ELMO1: variants seen among roughly 807,000 people sequenced by gnomAD.
The protein encoded by ELMO1 is engulfment and cell motility 1, also known as engulfment and cell motility protein 1.
ELMO1 carries 26 observed loss-of-function variants against 98.9 expected under a neutral mutation model. That is an observed-to-expected ratio of 0.26 (90% confidence interval 0.19 to 0.36). The LOEUF is 0.36. Ranked by LOEUF, ELMO1 falls within the 10% of genes least tolerant of loss-of-function variation. The pLI, the probability that ELMO1 is intolerant of heterozygous loss-of-function variation, is 1.00. For synonymous variants in ELMO1, 346 were observed against 346.0 expected, an observed-to-expected ratio of 1.00 and a Z score of 0.00; for missense variants, 627 against 935.2, an observed-to-expected ratio of 0.67 and a Z score of 4.30.
intron 16 of ELMO1, among the ~76,000 whole-genome samples, chr7:37,012,446 T>A (rs991560905): frequency 1.3e-5 from 2 of 152,222 alleles, no homozygotes; most frequent in Non-Finnish European, 2.9e-5. Context: ...CAGCCCTTAG[T>A]GCTGGGTGAG....
intron 13 of ELMO1, among the ~76,000 whole-genome samples, chr7:37,163,965 G>C (rs1336512658): frequency 6.6e-6 from 1 of 152,228 alleles, no homozygotes; most frequent in African/African-American, 2.4e-5. Flanking sequence ...CAGTGTAATA[G>C]TGTTCCTATT....
At chr7:37,432,149 G>A (rs1183930121) in intron 1 of ELMO1, among the ~76,000 whole-genome samples, 2 of 152,298 alleles carry the variant, frequency 1.3e-5, no homozygotes, top group African/African-American at 2.4e-5. Flanking sequence ...CCAAAGTGTC[G>A]GGATTACAGG....
intron 1 of ELMO1, among the ~76,000 whole-genome samples, chr7:37,363,472 C>T (rs1005116234): frequency 1.3e-5 from 2 of 152,118 alleles, no homozygotes; most frequent in African/African-American, 4.8e-5. Context: ...ACTGTCCAGA[C>T]CTCATCCCGC....
At chr7:37,140,359 C>A (rs1260590014) in intron 13 of ELMO1, among the ~76,000 whole-genome samples, 1 of 151,748 alleles carries the variant, frequency 6.6e-6, no homozygotes, top group Non-Finnish European at 1.5e-5. Context: ...GCACTCCAGC[C>A]TGGGCGACAG....
At chr7:36,993,745 A>T (rs923237986) in intron 16 of ELMO1, among the ~76,000 whole-genome samples, 6 of 152,258 alleles carry the variant, frequency 3.9e-5, no homozygotes, top group Admixed American at 3.9e-4. Flanking sequence ...ATTGGCCCTG[A>T]AGGGCAATAA....
intron 1 of ELMO1, among the ~76,000 whole-genome samples, chr7:37,364,474 C>G (rs1801820267): frequency 6.6e-6 from 1 of 152,200 alleles, no homozygotes; most frequent in South Asian, 2.1e-4. Flanking sequence ...CCTAAATGTT[C>G]ATCCAATGGG....
intron 8 of ELMO1, among the ~76,000 whole-genome samples, chr7:37,231,780 C>T (rs1308896318): frequency 6.6e-6 from 1 of 152,102 alleles, no homozygotes; most frequent in African/African-American, 2.4e-5. Context: ...ATTTTGATAA[C>T]CGTACTGTCA....
chr7:36,878,901 A>T (rs1804190928), intron 18 of ELMO1, among the ~76,000 whole-genome samples: 1 of 152,222 alleles, frequency 6.6e-6, no homozygotes, highest in Admixed American at 6.5e-5. Flanking sequence ...TTTATAGGTT[A>T]GGGACTTGAA....
intron 4 of ELMO1, among the ~76,000 whole-genome samples, chr7:37,302,316 G>A (rs943064267): frequency 6.6e-6 from 1 of 152,142 alleles, no homozygotes; most frequent in African/African-American, 2.4e-5. Flanking sequence ...CCTCTAATCA[G>A]GGCAGGCTTG....
intron 15 of ELMO1, among the ~76,000 whole-genome samples, chr7:37,051,963 G>A (rs991461290): frequency 6.6e-6 from 1 of 152,126 alleles, no homozygotes; most frequent in African/African-American, 2.4e-5. Flanking sequence ...CCCTCTGTAG[G>A]GCAGAGGTCA....
chr7:36,878,958 T>G (rs1298756545), intron 18 of ELMO1, among the ~76,000 whole-genome samples: 2 of 152,224 alleles, frequency 1.3e-5, no homozygotes, highest in Non-Finnish European at 2.9e-5. Context: ...GAAGCCCTCT[T>G]TATCCCTGCA....
chr7:36,943,296 T>C (rs1787204526), intron 16 of ELMO1, among the ~76,000 whole-genome samples: 1 of 152,234 alleles, frequency 6.6e-6, no homozygotes, highest in East Asian at 1.9e-4. Context: ...TTTTCTTTTA[T>C]GCGTAAAAAA....
At chr7:37,058,334 G>A (rs1386820524) in intron 15 of ELMO1, among the ~76,000 whole-genome samples, 1 of 152,180 alleles carries the variant, frequency 6.6e-6, no homozygotes, top group Non-Finnish European at 1.5e-5. Flanking sequence ...TCGTAGGAGA[G>A]ATTTTTTAGC....
intron 10 of ELMO1, among the ~76,000 whole-genome samples, chr7:37,219,073 T>C (rs1374584203): frequency 6.6e-6 from 1 of 152,168 alleles, no homozygotes; most frequent in East Asian, 1.9e-4. Flanking sequence ...CCGACAAAAC[T>C]AGCCCAGCCC....
At chr7:36,979,733 C>T (rs1022012910) in intron 16 of ELMO1, among the ~76,000 whole-genome samples, 1 of 152,292 alleles carries the variant, frequency 6.6e-6, no homozygotes, top group South Asian at 2.1e-4. Context: ...GAAATGCGGA[C>T]TTCAAATTGC....
At chr7:37,001,528 G>A (rs912296509) in intron 16 of ELMO1, among the ~76,000 whole-genome samples, 1 of 152,138 alleles carries the variant, frequency 6.6e-6, no homozygotes, top group African/African-American at 2.4e-5. Context: ...ATAAACAACT[G>A]CTATAGAACT....
chr7:37,137,681 C>T (rs1443618558), intron 13 of ELMO1, among the ~76,000 whole-genome samples: 1 of 152,032 alleles, frequency 6.6e-6, no homozygotes, highest in African/African-American at 2.4e-5. Context: ...GGAATACAGC[C>T]ACGTGCCACC....
intron 7 of ELMO1, among the ~76,000 whole-genome samples, chr7:37,234,628 C>T (rs1794363971): frequency 6.6e-6 from 1 of 152,138 alleles, no homozygotes; most frequent in African/African-American, 2.4e-5. Flanking sequence ...CCTAAGTGGG[C>T]AAGTTATGCA....
chr7:37,010,092 A>G (rs776967136), intron 16 of ELMO1, among the ~76,000 whole-genome samples: 7 of 152,156 alleles, frequency 4.6e-5, no homozygotes, highest in Non-Finnish European at 1.0e-4. Context: ...AGGCTAGTGG[A>G]GGCGGAACAG....
Sources: gnomAD v4.1 joint callset for allele counts (sites outside exome capture counted in the v4.1 genomes callset) on GRCh38, gnomAD v4.1.1 for gene constraint, MANE v1.5 for transcripts, NCBI Gene and HGNC (gene_info 2026-07-23, HGNC 2026-07-21) for gene names.